The following IFNLR1 variants were observed in gnomAD, a reference collection of about 807,000 sequenced individuals.
IFNLR1 encodes the protein CRF2-12.
In IFNLR1, 28 loss-of-function variants were observed where a neutral mutation model predicts 52.5. The ratio of observed to expected loss-of-function variants is 0.53; its 90% CI spans 0.40 to 0.73. The LOEUF (loss-of-function observed/expected upper bound fraction) is 0.73. Ranked by LOEUF, IFNLR1 falls within the 30% of genes least tolerant of loss-of-function variation. IFNLR1 has a pLI of 0.00. For synonymous variants in IFNLR1, 276 were observed against 274.9 expected, an observed-to-expected ratio of 1.00 and a Z score of -0.04; for missense variants, 623 against 659.1, an observed-to-expected ratio of 0.95 and a Z score of 0.60.
rs1431741577 is a variant in IFNLR1, at chr1:24,157,333, A to T, written c.1360T>A (p.Leu454Ile). The change falls in exon 7 of 7, where the codon TTA becomes ATA. Residue 454 changes from leucine (L) to isoleucine (I), a missense_variant. Coordinates refer to ENST00000327535, the MANE Select transcript of IFNLR1 (RefSeq NM_170743.4). The surrounding 1 kb of genome is among the most constrained non-coding windows in gnomAD (Gnocchi z 5.1). ...GGGACCAGATTCGGCTCCGGTGGTA[A>T]GGTGCCCCAGGTGGCCCAGGAGGAG... ...NLSSWATWGT[L>I]PPEPNLVPGG... 6.2e-7 allele frequency: 1 copy of T among 1,614,166 alleles called. No homozygotes were observed. Among genetic ancestry groups the T allele is most frequent in the Non-Finnish European group, 8.5e-7 (1 of 1,180,022 alleles).
rs1481345502 is a variant in IFNLR1 at position 24,157,056 on chromosome 1, A to G, written c.*74T>C. 1 of 1,504,658 alleles carries G rather than the reference A, an allele frequency of 6.6e-7. No individual in the cohort carries two copies. The highest frequency in any genetic ancestry group is 8.9e-7 in the Non-Finnish European group (1 of 1,120,748). 93.2% of individuals were successfully genotyped at this position (1,504,658 alleles called of 1,614,324 possible). On this transcript the variant is annotated 3_prime_UTR_variant, in exon 7 of 7. Coordinates refer to ENST00000327535, the MANE Select transcript of IFNLR1 (RefSeq NM_170743.4). The surrounding 1 kb of genome is among the most constrained non-coding windows in gnomAD (Gnocchi z 5.1). ...CCCAGGGGAGGTACGGAGGCTCTTG[A>G]GTTTCTTGGGAAGCCCAGTAGTCCT...
intron 3 of IFNLR1, among the ~76,000 whole-genome samples, chr1:24,163,024 G>A (rs1180234205): frequency 7.0e-6 from 1 of 142,760 alleles, no homozygotes; most frequent in African/African-American, 2.6e-5. Flanking sequence ...GCAACGGGGC[G>A]ATCTCAGCTC....
Position 24,155,404 on chromosome 1 carries a change from T to C in IFNLR1, c.*1726A>G, listed in dbSNP as rs547477950. The C allele has an allele frequency of 6.6e-6, 1 of 152,358 alleles. No homozygotes were observed. Among genetic ancestry groups the C allele is most frequent in the African/African-American group, 2.4e-5 (1 of 41,568 alleles). The allele number at this position is 152,358 out of a possible 1,614,324, so 9.4% of individuals were successfully genotyped here. On this transcript the variant is annotated 3_prime_UTR_variant, in exon 7 of 7. Coordinates refer to ENST00000327535, the MANE Select transcript of IFNLR1 (RefSeq NM_170743.4). ...GCACTGCTGGGCGACCTTGGACAAG[T>C]GCCTTTGCCACCCTTGACCTCAGCT...
In IFNLR1 at chr1:24,157,233, C is replaced by T. The variant is rs765148344; in HGVS notation, c.1460G>A (p.Arg487Lys). 2.5e-6 allele frequency: 4 copies of T among 1,614,070 alleles called. No homozygotes were observed. In the African/African-American group the frequency reaches 4.0e-5, roughly 16 times the overall value. ...ESSPEEEEEA[R>K]ESEIEDSDAG... Reference sequence around the variant, plus strand: ...ATCGCTGTCCTCAATTTCTGATTCCCTCGCCTCCTCTTCCTCCTCAGGGCT... The same window carrying T: ...ATCGCTGTCCTCAATTTCTGATTCCTTCGCCTCCTCTTCCTCCTCAGGGCT... The change falls in exon 7 of 7, where the codon AGG becomes AAG. Residue 487 changes from arginine to lysine, a missense_variant. Physicochemically the swap from Arg to Lys is conservative, Grantham distance 26. Transcript: ENST00000327535. The surrounding 1 kb of genome is among the most constrained non-coding windows in gnomAD (Gnocchi z 5.1).
At chr1:24,186,497 T>A (rs961568984) in intron 1 of IFNLR1, among the ~76,000 whole-genome samples, 21 of 152,178 alleles carry the variant, frequency 1.4e-4, no homozygotes, top group Non-Finnish European at 1.5e-5. Flanking sequence ...CCAGGGACCT[T>A]TACAGCTCTT....
chr1:24,172,267 T>C (rs1388924582), intron 2 of IFNLR1, among the ~76,000 whole-genome samples: 2 of 151,302 alleles, frequency 1.3e-5, no homozygotes, highest in Admixed American at 6.6e-5. Context: ...TAATAGAAAA[T>C]AAGAAAGAAT....
rs531320628 is a variant in IFNLR1, at chr1:24,159,398, T to A, written c.670+76A>T. 7.0e-6 allele frequency: 10 copies of A among 1,422,816 alleles called. No individual in the cohort carries two copies. In the African/African-American group the frequency reaches 1.3e-4, roughly 18 times the overall value. The allele number at this position is 1,422,816 out of a possible 1,614,324, so 88.1% of individuals were successfully genotyped here. The stretch of plus-strand genomic sequence containing the variant: ...CCAGGCGAGTCTATCTCTAGGCTCA[T>A]GTTCTTAACCACTGTGTCACGAAGC... On this transcript the variant is annotated intron_variant, in intron 5 of 6. Transcript: ENST00000327535.
At chr1:24,159,355 A>C in intron 5 of IFNLR1, 119 bp downstream of exon 5, 1 of 1,245,330 alleles carries the variant, frequency 8.0e-7, no homozygotes. Flanking sequence ...AAAGACACAC[A>C]ATGAGTGTGG....
In IFNLR1 at chr1:24,169,484, C is replaced by T. The variant is rs746244415; in HGVS notation, c.300G>A (p.Val100=). Residue 100 remains valine, a synonymous_variant, in exon 3 of 7, where the codon GTG becomes GTA. Coordinates refer to ENST00000327535, the MANE Select transcript of IFNLR1 (RefSeq NM_170743.4). The part of the protein sequence containing the change: ...QDLYNKFKGR[V]RTVSPSSKSP... ...ACTTGGAGCTGGGAGAAACCGTCCG[C>T]ACGCGTCCCTTGAACTTGTTGTACA... is the stretch of plus-strand genomic sequence containing the variant. 1.7e-5 allele frequency: 27 copies of T among 1,614,224 alleles called. No individual in the cohort carries two copies. The highest frequency in any genetic ancestry group is 2.2e-5 in the Non-Finnish European group (26 of 1,180,040).
chr1:24,184,989 A>C (rs35495316), intron 1 of IFNLR1, among the ~76,000 whole-genome samples: 2,033 of 152,274 alleles, frequency 0.013, 23 homozygotes, highest in Non-Finnish European at 0.023. Context: ...ACTGCACTCC[A>C]GCCTGGGTGA....
intron 2 of IFNLR1, 61 bp from the exon 3 acceptor site, chr1:24,169,662 A>G: frequency 6.6e-7 from 1 of 1,522,008 alleles, no homozygotes; most frequent in Non-Finnish European, 8.9e-7. Flanking sequence ...CAGGGAACTT[A>G]GAGAACAGTT....
At chr1:24,181,656 G>C (rs1223960822) in intron 1 of IFNLR1, among the ~76,000 whole-genome samples, 1 of 152,122 alleles carries the variant, frequency 6.6e-6, no homozygotes, top group Non-Finnish European at 1.5e-5. Flanking sequence ...CTTTGAACTT[G>C]TTTTGCATTG....
intron 3 of IFNLR1, 80 bp downstream of exon 3, chr1:24,169,337 G>T: frequency 7.4e-7 from 1 of 1,344,068 alleles, no homozygotes; most frequent in Non-Finnish European, 1.0e-6. Flanking sequence ...ATGGTCAGGA[G>T]AACAGAACCA....
intron 1 of IFNLR1, among the ~76,000 whole-genome samples, chr1:24,183,363 C>T (rs564645914): frequency 1.3e-5 from 2 of 151,720 alleles, no homozygotes; most frequent in South Asian, 2.1e-4. Flanking sequence ...TTTGGGACAT[C>T]GAGGCAGGAG....
Position 24,161,660 on chromosome 1 carries a change from A to G in IFNLR1, c.392T>C (p.Val131Ala). The G allele has an allele frequency of 6.5e-7, 1 of 1,526,946 alleles. No homozygotes were observed. The highest frequency in any genetic ancestry group is 8.8e-7 in the Non-Finnish European group (1 of 1,132,880). The allele number at this position is 1,526,946 out of a possible 1,614,324, so 94.6% of individuals were successfully genotyped here. A position where few individuals can be genotyped will look rare whatever the true frequency, so the allele number is the denominator to read the frequency against. Residue 131 changes from valine to alanine, a missense_variant, in exon 4 of 7, where the codon GTG becomes GCG. Val to Ala is a moderately conservative substitution (Grantham distance 64, BLOSUM62 0). Transcript: ENST00000327535. ...FEVEPAPPVL[V>A]LTQTEEILSA... is the part of the protein sequence containing the mutation. The stretch of plus-strand genomic sequence containing the variant: ...CAGGATCTCCTCCGTCTGGGTGAGC[A>G]CCAGGACAGGTGGGGCCGGCTCCAC...
chr1:24,185,636 C>CTAG (rs1394099164), intron 1 of IFNLR1, among the ~76,000 whole-genome samples: 1 of 152,202 alleles, frequency 6.6e-6, no homozygotes, highest in East Asian at 1.9e-4. Flanking sequence ...CACCACGAGG[C>CTAG]TAGTGCTATT....
At chr1:24,172,628 A>C (rs944249739) in intron 2 of IFNLR1, among the ~76,000 whole-genome samples, 1 of 152,228 alleles carries the variant, frequency 6.6e-6, no homozygotes, top group Non-Finnish European at 1.5e-5. Flanking sequence ...CTTCCAGAAG[A>C]AAGCATAGAA....
Position 24,157,126 on chromosome 1 carries a change from C to A in IFNLR1, c.*4G>T. 6.2e-7 allele frequency: 1 copy of A among 1,601,022 alleles called. No individual in the cohort carries two copies. The highest frequency in any genetic ancestry group is 1.7e-5 in the Admixed American group (1 of 59,084). On this transcript the variant is annotated 3_prime_UTR_variant, in exon 7 of 7. Transcript: ENST00000327535. The surrounding 1 kb of genome is among the most constrained non-coding windows in gnomAD (Gnocchi z 5.1). ...TCAGATTCGGTGGGATGTCGGGGGA[C>A]AGCTCACCTGGCCATGTAATGCCCC...
At position 24,162,831 on chromosome 1, in the gene IFNLR1, T is replaced by TTTCTTTCTTTC. The variant is rs201014664; in HGVS notation, c.368-1148_368-1147insGAAAGAAAGAA. On this transcript the variant is annotated intron_variant, in intron 3 of 6. Transcript: ENST00000327535. ...TCTTTCTTTTTTTCTTCTTTCTTTC[T>TTTCTTTCTTTC]TTTCTTTCTTTCTTTCTTTCTTTCT... Among the ~76,000 whole-genome samples, 7 of 33,848 alleles carry TTTCTTTCTTTC rather than the reference T, an allele frequency of 2.1e-4. 1 individual carries two copies. Among genetic ancestry groups the TTTCTTTCTTTC allele is most frequent in the Non-Finnish European group, 2.9e-4 (5 of 16,954 alleles). 22.2% of individuals were successfully genotyped at this position (33,848 alleles called of 152,430 possible).
Sources: gnomAD v4.1 joint callset for allele counts (sites outside exome capture counted in the v4.1 genomes callset) on GRCh38, gnomAD v4.1.1 for gene constraint, Gnocchi (gnomAD v3.1) non-coding constraint, MANE v1.5 for transcripts, NCBI Gene and HGNC (gene_info 2026-07-23, HGNC 2026-07-21) for gene names.